The following FAF1 variants were observed in gnomAD, a reference collection of about 807,000 sequenced individuals.
FAF1 encodes FAS-associated factor 1.
A neutral mutation model predicts 92.5 loss-of-function variants in FAF1; 25 were observed. The ratio of observed to expected loss-of-function variants is 0.27; its 90% CI spans 0.20 to 0.38. FAF1 has a LOEUF of 0.38. FAF1 is among the 10% of genes least tolerant of loss of function. The probability of loss-of-function intolerance (pLI) is 1.00; values close to 1 mark genes in which losing one functional copy is unlikely to be tolerated. For missense variants in FAF1, 636 were observed against 793.3 expected (o/e 0.80, Z 2.38); for synonymous variants, 234 against 273.2 (o/e 0.86, Z 1.42).
chr1:50,614,819 G>T (rs1414150885), intron 8 of FAF1, among the ~76,000 whole-genome samples: 2 of 132,518 alleles, frequency 1.5e-5, no homozygotes, highest in Non-Finnish European at 3.1e-5. Flanking sequence ...AGCCTGGGCC[G>T]CAACAGCGAA....
chr1:50,830,140 CAG>C (rs1163298924), intron 2 of FAF1, among the ~76,000 whole-genome samples: 2 of 152,142 alleles, frequency 1.3e-5, no homozygotes, highest in Non-Finnish European at 2.9e-5. Context: ...TTTTTTGAGA[CAG>C]AGTCTTGCTG....
intron 8 of FAF1, among the ~76,000 whole-genome samples, chr1:50,612,952 T>C (rs560492251): frequency 2.0e-5 from 3 of 152,242 alleles, no homozygotes; most frequent in Non-Finnish European, 2.9e-5. Flanking sequence ...TGTGTTTAGG[T>C]GACTCTAAGG....
At chr1:50,696,368 A>G (rs2124405940) in intron 7 of FAF1, among the ~76,000 whole-genome samples, 1 of 152,306 alleles carries the variant, frequency 6.6e-6, no homozygotes, top group East Asian at 1.9e-4. Flanking sequence ...TCATGTCAAA[A>G]GCTTTACTAG....
At chr1:50,777,269 A>C (rs544309958) in intron 4 of FAF1, among the ~76,000 whole-genome samples, 1 of 151,426 alleles carries the variant, frequency 6.6e-6, no homozygotes, top group Non-Finnish European at 1.5e-5. Flanking sequence ...AAAAAAAAAA[A>C]TTTGCCAAAC....
At chr1:50,847,203 T>C (rs1644308743) in intron 2 of FAF1, among the ~76,000 whole-genome samples, 2 of 152,054 alleles carry the variant, frequency 1.3e-5, no homozygotes, top group Admixed American at 1.3e-4. Flanking sequence ...GAAATAAAAA[T>C]TGAAGACTAA....
intron 1 of FAF1, among the ~76,000 whole-genome samples, chr1:50,941,197 TTTTTG>T (rs376393650): frequency 6.6e-6 from 1 of 151,680 alleles, no homozygotes; most frequent in Non-Finnish European, 1.5e-5. Flanking sequence ...CACGCTCAAC[TTTTTG>T]TTTTGTTTTG....
intron 6 of FAF1, 62 bp from the exon 7 acceptor site, chr1:50,705,953 G>T: frequency 1.0e-6 from 1 of 1,003,026 alleles, no homozygotes. Context: ...TTGCTTTACA[G>T]CTAGCTGCAA....
chr1:50,695,388 T>A (rs896348441), intron 7 of FAF1, among the ~76,000 whole-genome samples: 26 of 151,566 alleles, frequency 1.7e-4, no homozygotes, highest in Non-Finnish European at 2.7e-4. Flanking sequence ...AAAAAAAAAA[T>A]CATCCAGTGG....
chr1:50,895,393 C>A lies in FAF1; in HGVS notation c.46-37396G>T, dbSNP rs1644750304. On this transcript the variant is annotated intron_variant, in intron 1 of 18. Coordinates refer to ENST00000396153, the MANE Select transcript of FAF1 (RefSeq NM_007051.3). Reference sequence around the variant, plus strand: ...AATAAAAAGTCTGCCAGAAAAGAAACCCCTGGGACCCGACGGCTTTACCTG... The same window carrying A: ...AATAAAAAGTCTGCCAGAAAAGAAAACCCTGGGACCCGACGGCTTTACCTG... Among the ~76,000 whole-genome samples the A allele has an allele frequency of 1.3e-5, 2 of 152,104 alleles. 1 individual carries two copies. The highest frequency in any genetic ancestry group is 4.1e-4 in the South Asian group (2 of 4,826).
Position 50,762,112 on chromosome 1 carries a change from C to T in FAF1, c.368-17337G>A, listed in dbSNP as rs978243685. Among the ~76,000 whole-genome samples, 306 of 152,154 alleles carry T rather than the reference C, an allele frequency of 2.0e-3. 1 individual carries two copies. Among genetic ancestry groups the T allele is most frequent in the African/African-American group, 6.7e-3 (278 of 41,514 alleles). ...CAATTGCTTCAAAGAGAATAAAACA[C>T]CTAGGAATCCAACTTACAAGGGACG... On this transcript the variant is annotated intron_variant, in intron 4 of 18. Transcript: ENST00000396153.
chr1:50,506,341 A>G (rs1647057696), intron 15 of FAF1, among the ~76,000 whole-genome samples: 1 of 152,114 alleles, frequency 6.6e-6, no homozygotes, highest in African/African-American at 2.4e-5. Context: ...CACATACTCT[A>G]CGCTTGACCC....
chr1:50,617,586 C>A (rs961612397), intron 8 of FAF1, among the ~76,000 whole-genome samples: 2 of 151,806 alleles, frequency 1.3e-5, no homozygotes, highest in South Asian at 2.1e-4. Flanking sequence ...CTTTGTTCAT[C>A]AGAGATATTG....
intron 18 of FAF1, among the ~76,000 whole-genome samples, chr1:50,462,479 G>T (rs1646444434): frequency 1.3e-5 from 2 of 152,190 alleles, no homozygotes; most frequent in Admixed American, 1.3e-4. Flanking sequence ...TTACAGTGTT[G>T]ATCTGTATTT....
chr1:50,756,564 G>A (rs557929148), intron 4 of FAF1, among the ~76,000 whole-genome samples: 1 of 152,200 alleles, frequency 6.6e-6, no homozygotes, highest in East Asian at 1.9e-4. Flanking sequence ...ACATTTTCAG[G>A]TATCTTTTCA....
intron 9 of FAF1, among the ~76,000 whole-genome samples, chr1:50,595,599 G>A (rs1391965277): frequency 7.2e-5 from 11 of 151,940 alleles, no homozygotes; most frequent in African/African-American, 2.7e-4. Context: ...CTGGAGTGCA[G>A]TGGCGCGATC....
intron 15 of FAF1, among the ~76,000 whole-genome samples, chr1:50,534,152 C>T (rs1317034061): frequency 6.6e-6 from 1 of 152,176 alleles, no homozygotes; most frequent in African/African-American, 2.4e-5. Context: ...CTACTTTCCT[C>T]TCTATTAGGC....
chr1:50,552,158 A>G (rs1649337579), intron 13 of FAF1, among the ~76,000 whole-genome samples: 1 of 152,032 alleles, frequency 6.6e-6, no homozygotes, highest in Non-Finnish European at 1.5e-5. Context: ...CTAGCCAGGC[A>G]TGGTAGTGTG....
At chr1:50,920,863 G>A (rs1644956894) in intron 1 of FAF1, among the ~76,000 whole-genome samples, 1 of 152,190 alleles carries the variant, frequency 6.6e-6, no homozygotes, top group African/African-American at 2.4e-5. Context: ...AGGTAAGAAT[G>A]TAAAGAATGT....
intron 4 of FAF1, among the ~76,000 whole-genome samples, chr1:50,756,774 G>C (rs1569892808): frequency 1.3e-5 from 2 of 152,306 alleles, no homozygotes; most frequent in East Asian, 3.9e-4. Flanking sequence ...AGCAGGCAAA[G>C]AGAGAGAGCT....
Sources: allele counts gnomAD v4.1 joint callset (sites outside exome capture counted in the v4.1 genomes callset), GRCh38; gene constraint gnomAD v4.1.1; transcripts MANE v1.5; gene names NCBI Gene and HGNC (gene_info 2026-07-23, HGNC 2026-07-21).